The following PTGES3 variants were observed in gnomAD, a reference collection of about 807,000 sequenced individuals.
The protein encoded by PTGES3 is Hsp90 co-chaperone.
A neutral mutation model predicts 29.9 loss-of-function variants in PTGES3; 5 were observed. The observed-to-expected ratio is 0.17, with a 90% CI of 0.09 to 0.35. PTGES3 has a LOEUF of 0.35. Ranked by LOEUF, PTGES3 falls within the 10% of genes least tolerant of loss-of-function variation. The pLI, the probability that PTGES3 is intolerant of heterozygous loss-of-function variation, is 1.00. For missense variants in PTGES3, 128 were observed against 190.0 expected (o/e 0.67, Z 1.92); for synonymous variants, 49 against 57.8 (o/e 0.85, Z 0.69).
chr12:56,664,652 G>T, intron 7 of PTGES3, 124 bp downstream of exon 7: 1 of 1,377,362 alleles, frequency 7.3e-7, no homozygotes, highest in Non-Finnish European at 1.0e-6. Context: ...TTTCTGCTTT[G>T]GTTATTTATT....
chr12:56,677,033 C>G (rs1952286824), intron 1 of PTGES3, among the ~76,000 whole-genome samples: 3 of 150,052 alleles, frequency 2.0e-5, no homozygotes, highest in African/African-American at 7.4e-5. Flanking sequence ...GTCAGGAGTT[C>G]AAGACCAGCC....
At chr12:56,680,873 G>A (rs1952502139) in intron 1 of PTGES3, among the ~76,000 whole-genome samples, 1 of 151,204 alleles carries the variant, frequency 6.6e-6, no homozygotes, top group African/African-American at 2.4e-5. Flanking sequence ...GACTTCGCAG[G>A]CTCAGGTGAT....
At chr12:56,676,409 G>A (rs1014322971) in intron 1 of PTGES3, among the ~76,000 whole-genome samples, 1 of 151,992 alleles carries the variant, frequency 6.6e-6, no homozygotes, top group Non-Finnish European at 1.5e-5. Flanking sequence ...ACTAGCTTCT[G>A]CATACTTGAC....
chr12:56,685,958 G>T (rs1332545651), intron 1 of PTGES3, among the ~76,000 whole-genome samples: 2 of 151,234 alleles, frequency 1.3e-5, no homozygotes, highest in South Asian at 2.1e-4. Context: ...TGTATTTTTA[G>T]TAGAAACGGG....
chr12:56,685,394 CTTTTCTTTTTTTTT>C (rs1283992959), intron 1 of PTGES3, among the ~76,000 whole-genome samples: 4 of 96,912 alleles, frequency 4.1e-5, no homozygotes, highest in African/African-American at 7.4e-5. Flanking sequence ...AGCATTTTTT[CTTTTCTTTTTTTTT>C]TTTTTTTTTT....
chr12:56,683,275 GGAGTTT>G (rs1687629600), intron 1 of PTGES3, among the ~76,000 whole-genome samples: 2 of 151,370 alleles, frequency 1.3e-5, no homozygotes, highest in Admixed American at 1.3e-4. Flanking sequence ...CCTGAAGTCG[GGAGTTT>G]GAGACCAGCC....
chr12:56,674,818 T>C (rs1443079435), intron 1 of PTGES3, among the ~76,000 whole-genome samples: 6 of 27,256 alleles, frequency 2.2e-4, no homozygotes, highest in South Asian at 1.9e-3. Context: ...AGAGCAAGAC[T>C]CCATCTCAAA....
chr12:56,683,673 C>T (rs1952674882), intron 1 of PTGES3, among the ~76,000 whole-genome samples: 1 of 145,508 alleles, frequency 6.9e-6, no homozygotes, highest in African/African-American at 2.5e-5. Context: ...AAAACCAAAA[C>T]TATGGGCCGG....
intron 5 of PTGES3, among the ~76,000 whole-genome samples, chr12:56,668,081 C>A (rs1017220703): frequency 6.6e-6 from 1 of 152,156 alleles, no homozygotes. Flanking sequence ...GCACTACATC[C>A]TGGGCAACAA....
chr12:56,687,210 C>T (rs1952916553), intron 1 of PTGES3: 4 of 1,049,148 alleles, frequency 3.8e-6, no homozygotes, highest in Non-Finnish European at 4.6e-6. Flanking sequence ...TACTACATAC[C>T]TATTTCATCC....
chr12:56,665,182 A>G, intron 6 of PTGES3: 3 of 985,364 alleles, frequency 3.0e-6, no homozygotes, highest in Non-Finnish European at 3.6e-6. Context: ...TCTAAATAGC[A>G]TTAAATAACT....
rs1007558044 is a variant in PTGES3 at position 56,668,440 on chromosome 12, C to T, written c.375+1835G>A. Among the ~76,000 whole-genome samples the T allele has an allele frequency of 3.9e-5, 6 of 151,956 alleles. No individual in the cohort carries two copies. In the East Asian group the frequency reaches 1.2e-3, roughly 29 times the overall value. On this transcript the variant is annotated intron_variant, in intron 5 of 7. Transcript: ENST00000262033. ...GCAAAATAAAACAAAAAACAAAAAA[C>T]AAAAACAGTGTTATAAGGCTGGGGG...
At chr12:56,664,665 A>G in intron 7 of PTGES3, 111 bp downstream of exon 7, 2 of 1,424,718 alleles carry the variant, frequency 1.4e-6, no homozygotes, top group Non-Finnish European at 9.6e-7. Flanking sequence ...TATTTATTCA[A>G]GGTCATAAAG....
chr12:56,669,659 T>C (rs955884925), intron 5 of PTGES3, among the ~76,000 whole-genome samples: 1 of 152,076 alleles, frequency 6.6e-6, no homozygotes, highest in Non-Finnish European at 1.5e-5. Flanking sequence ...TTCGCCAGGC[T>C]GGAGTCCAGT....
intron 1 of PTGES3, among the ~76,000 whole-genome samples, chr12:56,679,878 T>C (rs1952444967): frequency 6.6e-6 from 1 of 152,066 alleles, no homozygotes; most frequent in Admixed American, 6.6e-5. Flanking sequence ...TGTCATCATG[T>C]TGGCAAGGCT....
At chr12:56,687,828 G>A (rs1190213449) in intron 1 of PTGES3, 170 bp downstream of exon 1, 56 of 1,457,520 alleles carry the variant, frequency 3.8e-5, no homozygotes, top group Non-Finnish European at 4.5e-5. Flanking sequence ...GAGGAAAAAT[G>A]TCCTCCACCC....
intron 1 of PTGES3, chr12:56,687,521 TGG>T: frequency 1.0e-6 from 1 of 1,001,816 alleles, no homozygotes; most frequent in South Asian, 4.3e-5. Flanking sequence ...GAGGTCCGCG[TGG>T]GGCTCTCCCA....
intron 1 of PTGES3, 25 bp from the exon 2 acceptor site, chr12:56,673,090 G>T: frequency 6.6e-7 from 1 of 1,508,740 alleles, no homozygotes; most frequent in Non-Finnish European, 9.1e-7. Context: ...AGTAGGGAAA[G>T]TCAAGCTGGA....
intron 6 of PTGES3, chr12:56,665,281 C>T: frequency 1.1e-6 from 1 of 896,866 alleles, no homozygotes; most frequent in Non-Finnish European, 1.3e-6. Context: ...TTCCAATGTC[C>T]ATCTTTTTTT....
Sources: allele counts gnomAD v4.1 joint callset (sites outside exome capture counted in the v4.1 genomes callset), GRCh38; gene constraint gnomAD v4.1.1; transcripts MANE v1.5; gene names NCBI Gene and HGNC (gene_info 2026-07-23, HGNC 2026-07-21).